The following LPCAT3 variants were observed in gnomAD, a reference collection of about 807,000 sequenced individuals.
LPCAT3 encodes the protein lysophosphatidylcholine acyltransferase 3, also known as lysophospholipid acyltransferase 5.
In LPCAT3, 21 loss-of-function variants were observed where a neutral mutation model predicts 63.4. That is an observed-to-expected ratio of 0.33 (90% CI 0.23 to 0.48). LPCAT3 has a LOEUF of 0.48. Ranked by LOEUF, LPCAT3 falls within the 20% of genes least tolerant of loss-of-function variation. LPCAT3 has a pLI of 0.99. For synonymous variants in LPCAT3, 242 were observed against 227.5 expected, an observed-to-expected ratio of 1.06 and a Z score of -0.58; for missense variants, 451 against 590.6, an observed-to-expected ratio of 0.76 and a Z score of 2.45.
At chr12:6,993,056 TAC>T (rs1476409688) in intron 1 of LPCAT3, among the ~76,000 whole-genome samples, 3 of 152,366 alleles carry the variant, frequency 2.0e-5, no homozygotes. Flanking sequence ...GGGCTGACTA[TAC>T]ACAGTTTCCT....
intron 7 of LPCAT3, chr12:6,978,989 C>A (rs1786537301): frequency 2.7e-6 from 1 of 369,452 alleles, no homozygotes; most frequent in Admixed American, 4.4e-5. Flanking sequence ...ATGTTAAGTA[C>A]AGAGGGGCCC....
chr12:6,991,089 G>C (rs1450723180), intron 1 of LPCAT3, among the ~76,000 whole-genome samples: 3 of 152,020 alleles, frequency 2.0e-5, no homozygotes, highest in Non-Finnish European at 2.9e-5. Flanking sequence ...GCCATCTAAT[G>C]AGAAGAATGC....
intron 3 of LPCAT3, among the ~76,000 whole-genome samples, chr12:6,982,252 T>G (rs1182683909): frequency 2.0e-5 from 3 of 152,188 alleles, no homozygotes; most frequent in Non-Finnish European, 4.4e-5. Context: ...TTGCCCGGGT[T>G]AGTCTCAAAC....
At chr12:7,007,424 A>G (rs1210637530) in intron 1 of LPCAT3, among the ~76,000 whole-genome samples, 2 of 151,250 alleles carry the variant, frequency 1.3e-5, no homozygotes, top group Admixed American at 6.6e-5. Context: ...GACCGTGTAC[A>G]GTTTTCTTAT....
chr12:6,995,495 T>C (rs1357354574), intron 1 of LPCAT3, among the ~76,000 whole-genome samples: 1 of 151,860 alleles, frequency 6.6e-6, no homozygotes, highest in East Asian at 1.9e-4. Context: ...AAAAGTGTTT[T>C]CCTTCTTCAT....
chr12:7,009,369 T>G (rs926856292), intron 1 of LPCAT3, among the ~76,000 whole-genome samples: 1 of 152,146 alleles, frequency 6.6e-6, no homozygotes, highest in African/African-American at 2.4e-5. Flanking sequence ...CCAATGACAT[T>G]CCAAAAAGGT....
intron 1 of LPCAT3, among the ~76,000 whole-genome samples, chr12:7,002,461 T>A (rs1386892239): frequency 2.0e-5 from 3 of 152,098 alleles, no homozygotes; most frequent in African/African-American, 7.2e-5. Flanking sequence ...CTCCAACCCC[T>A]CCAAACACTT....
At chr12:7,005,162 TG>T (rs1243843183) in intron 1 of LPCAT3, among the ~76,000 whole-genome samples, 1 of 152,256 alleles carries the variant, frequency 6.6e-6, no homozygotes, top group African/African-American at 2.4e-5. Context: ...TAGCTTATTC[TG>T]GGTATTTCAT....
In LPCAT3 at chr12:6,976,720, C is replaced by T. The variant is rs782370238; in HGVS notation, c.*184G>A. ...CGTGGGTGACAAAGCAAGACGCCTTCTCCAAAAAAAAGTTTCCCCTTTGGC... is the reference window on the plus strand; with the variant it reads ...CGTGGGTGACAAAGCAAGACGCCTTTTCCAAAAAAAAGTTTCCCCTTTGGC... On this transcript the variant is annotated 3_prime_UTR_variant, in exon 13 of 13. Coordinates refer to ENST00000261407, the MANE Select transcript of LPCAT3 (RefSeq NM_005768.6). The T allele has an allele frequency of 6.2e-6, 1 of 160,184 alleles. No homozygotes were observed. The highest frequency in any genetic ancestry group is 2.4e-5 in the African/African-American group (1 of 41,496). The allele number at this position is 160,184 out of a possible 1,614,324, so 9.9% of individuals were successfully genotyped here. A position where few individuals can be genotyped will look rare whatever the true frequency, so the allele number is the denominator to read the frequency against.
chr12:7,005,756 T>C (rs782433905), intron 1 of LPCAT3, among the ~76,000 whole-genome samples: 1 of 152,246 alleles, frequency 6.6e-6, no homozygotes. Context: ...TCTATTCATA[T>C]CCATTTTGTA....
chr12:7,011,329 C>A (rs1209036599), intron 1 of LPCAT3, among the ~76,000 whole-genome samples: 3 of 152,148 alleles, frequency 2.0e-5, no homozygotes, highest in African/African-American at 7.2e-5. Flanking sequence ...AGCCACCGTG[C>A]CTGACCTGGA....
At chr12:6,980,504 T>A (rs1946458841) in intron 6 of LPCAT3, among the ~76,000 whole-genome samples, 1 of 152,040 alleles carries the variant, frequency 6.6e-6, no homozygotes, top group African/African-American at 2.4e-5. Flanking sequence ...TACAGATGCA[T>A]GCCACTATGT....
At chr12:6,994,623 C>T (rs1031131571) in intron 1 of LPCAT3, among the ~76,000 whole-genome samples, 3 of 151,924 alleles carry the variant, frequency 2.0e-5, no homozygotes, top group Non-Finnish European at 4.4e-5. Flanking sequence ...TGCACAGGAC[C>T]GGCTAATTTC....
chr12:7,012,564 C>T (rs1321349238), intron 1 of LPCAT3, among the ~76,000 whole-genome samples: 4 of 152,160 alleles, frequency 2.6e-5, no homozygotes, highest in African/African-American at 9.7e-5. Flanking sequence ...CAAGGGGTAG[C>T]AACATTAACA....
chr12:7,004,814 C>T (rs1555156769), intron 1 of LPCAT3, among the ~76,000 whole-genome samples: 1 of 152,194 alleles, frequency 6.6e-6, no homozygotes, highest in Non-Finnish European at 1.5e-5. Context: ...TGGCTTCCTA[C>T]GATCTATAAG....
rs782192872 is a variant in LPCAT3 at position 6,977,773 on chromosome 12, C to T, written c.1041-28G>A. 2 of 1,613,036 alleles carry T rather than the reference C, an allele frequency of 1.2e-6. No homozygotes were observed. The highest frequency in any genetic ancestry group is 1.7e-5 in the Admixed American group (1 of 59,998). On this transcript the variant is annotated intron_variant, in intron 9 of 12. Transcript: ENST00000261407. The surrounding 1 kb of genome is among the most constrained non-coding windows in gnomAD (Gnocchi z 4.5). ...GGAGAAAAGGGTGGGTGGGGCGACC[C>T]TCAAACTGACTGGTCCTTGCATCCC... is the stretch of plus-strand genomic sequence containing the variant.
chr12:6,991,076 A>T (rs782319071), intron 1 of LPCAT3, among the ~76,000 whole-genome samples: 19 of 152,352 alleles, frequency 1.2e-4, no homozygotes, highest in African/African-American at 4.6e-4. Flanking sequence ...TCAAAGAAAT[A>T]AAGCCATCTA....
chr12:6,979,560 G>A lies in LPCAT3; in HGVS notation c.697C>T (p.Arg233Cys), dbSNP rs782772367. The change falls in exon 7 of 13, where the codon CGC (arginine) becomes TGC (cysteine). Residue 233 changes from arginine (R) to cysteine (C), a missense_variant. By Grantham distance (180) the Arg-to-Cys change is radical. This residue lies in a region of LPCAT3 where 304 missense variants were observed against 390.8 expected (regional missense o/e 0.78). Coordinates refer to ENST00000261407, the MANE Select transcript of LPCAT3 (RefSeq NM_005768.6). ...IPNSIIPALK[R>C]LSLGLFYLVG... ...AGGTAGAAAAGGCCCAGACTCAGGC[G>A]CTTGAGAGCAGGAATGATGCTGGAA... 4.3e-6 allele frequency: 7 copies of A among 1,613,526 alleles called. No individual in the cohort carries two copies. The highest frequency in any genetic ancestry group is 1.3e-5 in the African/African-American group (1 of 74,890).
Position 6,977,771 on chromosome 12 carries a change from C to T in LPCAT3, c.1041-26G>A. The T allele has an allele frequency of 6.2e-7, 1 of 1,613,234 alleles. No homozygotes were observed. Among genetic ancestry groups the T allele is most frequent in the Non-Finnish European group, 8.5e-7 (1 of 1,179,728 alleles). ...CTGGAGAAAAGGGTGGGTGGGGCGACCCTCAAACTGACTGGTCCTTGCATC... is the reference window on the plus strand; with the variant it reads ...CTGGAGAAAAGGGTGGGTGGGGCGATCCTCAAACTGACTGGTCCTTGCATC... On this transcript the variant is annotated intron_variant, in intron 9 of 12. Transcript: ENST00000261407. This position sits in a 1 kb window ranked among gnomAD's most constrained non-coding sequence, Gnocchi z 4.5.
Sources: gnomAD v4.1 joint callset for allele counts (sites outside exome capture counted in the v4.1 genomes callset) on GRCh38, gnomAD v4.1.1 for gene constraint, gnomAD v4.1.1 regional missense constraint, Gnocchi (gnomAD v3.1) non-coding constraint, MANE v1.5 for transcripts, NCBI Gene and HGNC (gene_info 2026-07-23, HGNC 2026-07-21) for gene names.